ARB2A: variants seen among roughly 807,000 people sequenced by gnomAD.
The protein encoded by ARB2A is ARB2 cotranscriptional regulator A.
At chr5:93,872,389 A>G in the ARB2A span, among the ~76,000 whole-genome samples, 1 of 152,208 alleles carries the variant, frequency 6.6e-6, no homozygotes, top group South Asian at 2.1e-4. Context: ...CAAAAAAATT[A>G]AGATTACAGT....
At chr5:93,881,999 T>C in the ARB2A span, among the ~76,000 whole-genome samples, 1 of 151,298 alleles carries the variant, frequency 6.6e-6, no homozygotes. Context: ...CTGAAATAAA[T>C]TAGCAAATAA....
At chr5:93,660,125 T>C in the ARB2A span, among the ~76,000 whole-genome samples, 1 of 152,120 alleles carries the variant, frequency 6.6e-6, no homozygotes, top group Non-Finnish European at 1.5e-5. Context: ...AATAATTTCA[T>C]AGAAAACATT....
the ARB2A span, among the ~76,000 whole-genome samples, chr5:93,724,280 A>C: frequency 6.6e-6 from 1 of 152,030 alleles, no homozygotes; most frequent in East Asian, 1.9e-4. Flanking sequence ...TTCATTTTAC[A>C]AAAGGGAATC....
the ARB2A span, among the ~76,000 whole-genome samples, chr5:93,824,929 A>T: frequency 6.6e-6 from 1 of 152,212 alleles, no homozygotes; most frequent in South Asian, 2.1e-4. Context: ...TGCCTTGGGC[A>T]TCCCCCCAAA....
At chr5:93,737,671 A>G in the ARB2A span, 1 of 224,164 alleles carries the variant, frequency 4.5e-6, no homozygotes, top group Non-Finnish European at 9.0e-6. Flanking sequence ...TTGAGAGCCC[A>G]GAAATAATCC....
the ARB2A span, among the ~76,000 whole-genome samples, chr5:93,989,563 G>A: frequency 3.3e-5 from 5 of 152,042 alleles, no homozygotes; most frequent in Admixed American, 3.3e-4. Flanking sequence ...TATATACTAC[G>A]GATCCTTTCC....
the ARB2A span, among the ~76,000 whole-genome samples, chr5:93,659,235 A>T: frequency 7.9e-5 from 12 of 152,248 alleles, no homozygotes; most frequent in Middle Eastern, 3.4e-3. Flanking sequence ...ATTAAAAAAA[A>T]TCAGAATTTC....
the ARB2A span, among the ~76,000 whole-genome samples, chr5:93,690,194 G>GT: frequency 1.3e-5 from 2 of 152,188 alleles, no homozygotes; most frequent in Non-Finnish European, 2.9e-5. Flanking sequence ...TGGAATGCCA[G>GT]TGAGACAAAA....
At chr5:93,926,275 A>T in the ARB2A span, among the ~76,000 whole-genome samples, 3 of 151,796 alleles carry the variant, frequency 2.0e-5, no homozygotes, top group Admixed American at 6.6e-5. Context: ...GATTACAGGC[A>T]TGTGCCACCA....
At chr5:94,091,367 CTA>C in the ARB2A span, among the ~76,000 whole-genome samples, 1 of 152,122 alleles carries the variant, frequency 6.6e-6, no homozygotes, top group Admixed American at 6.5e-5. Context: ...AAATAATATT[CTA>C]GTCACAACCA....
chr5:93,796,909 T>C, the ARB2A span, among the ~76,000 whole-genome samples: 1 of 152,130 alleles, frequency 6.6e-6, no homozygotes, highest in Non-Finnish European at 1.5e-5. Context: ...CATATAAACA[T>C]TGGGTGGAAG....
the ARB2A span, among the ~76,000 whole-genome samples, chr5:93,761,265 T>C: frequency 6.6e-6 from 1 of 152,106 alleles, no homozygotes; most frequent in Non-Finnish European, 1.5e-5. Flanking sequence ...AGGTATCCCC[T>C]CACCCGGGAA....
At chr5:93,973,496 G>A in the ARB2A span, among the ~76,000 whole-genome samples, 18 of 152,264 alleles carry the variant, frequency 1.2e-4, no homozygotes, top group Admixed American at 4.6e-4. Flanking sequence ...AAACATATTT[G>A]AGGATATAAT....
chr5:93,857,515 G>A, the ARB2A span, among the ~76,000 whole-genome samples: 1 of 152,282 alleles, frequency 6.6e-6, no homozygotes, highest in South Asian at 2.1e-4. Flanking sequence ...GAGCCTCGCT[G>A]TCACTTTCCA....
the ARB2A span, among the ~76,000 whole-genome samples, chr5:93,778,274 T>A: frequency 1.3e-5 from 2 of 152,150 alleles, no homozygotes; most frequent in Admixed American, 1.3e-4. Context: ...TTGAAATAAG[T>A]AAAATTAATA....
At chr5:93,982,356 C>T in the ARB2A span, among the ~76,000 whole-genome samples, 14 of 152,042 alleles carry the variant, frequency 9.2e-5, no homozygotes, top group Non-Finnish European at 1.9e-4. Flanking sequence ...ATATATACTG[C>T]ATCCTATTTA....
chr5:93,851,254 A>C, the ARB2A span, among the ~76,000 whole-genome samples: 1 of 152,202 alleles, frequency 6.6e-6, no homozygotes, highest in East Asian at 1.9e-4. Flanking sequence ...ATTTCAGGGA[A>C]TGACAGAAGT....
At chr5:93,656,869 G>A in the ARB2A span, among the ~76,000 whole-genome samples, 2 of 152,004 alleles carry the variant, frequency 1.3e-5, no homozygotes, top group Admixed American at 6.6e-5. Flanking sequence ...GGATACCAGG[G>A]CTATTTATTT....
the ARB2A span, among the ~76,000 whole-genome samples, chr5:93,906,708 T>C: frequency 6.6e-6 from 1 of 151,568 alleles, no homozygotes; most frequent in Non-Finnish European, 1.5e-5. Context: ...CTTACTTACA[T>C]TAGACATGCA....
Sources: gnomAD v4.1 joint callset for allele counts (sites outside exome capture counted in the v4.1 genomes callset) on GRCh38, gnomAD v4.1.1 for gene constraint, MANE v1.5 for transcripts, NCBI Gene and HGNC (gene_info 2026-07-23, HGNC 2026-07-21) for gene names.